DTNB: variants seen among roughly 807,000 people sequenced by gnomAD.
DTNB encodes the protein dystrobrevin beta.
DTNB carries 63 observed loss-of-function variants against 90.7 expected under a neutral mutation model. The ratio of observed to expected loss-of-function variants is 0.69; its 90% CI spans 0.57 to 0.86. The LOEUF (loss-of-function observed/expected upper bound fraction) is 0.86, where lower values mean the gene tolerates loss of function less well. DTNB is among the 40% of genes least tolerant of loss of function. The probability of loss-of-function intolerance (pLI) is 0.00; values close to 1 mark genes in which losing one functional copy is unlikely to be tolerated. For missense variants in DTNB, 744 were observed against 807.1 expected (o/e 0.92, Z 0.95); for synonymous variants, 277 against 286.7 (o/e 0.97, Z 0.34).
chr2:25,652,532 T>TTA, intron 2 of DTNB, 62 bp downstream of exon 2: 3 of 1,271,836 alleles, frequency 2.4e-6, no homozygotes, highest in Non-Finnish European at 3.1e-6. Flanking sequence ...TGACTTGATC[T>TTA]AAAAAAAAAA....
Position 25,628,208 on chromosome 2 carries a change from T to C in DTNB, c.325A>G (p.Ser109Gly). The change falls in exon 4 of 21, where the codon AGC (serine) becomes GGC (glycine). Residue 109 changes from serine to glycine, a missense_variant. Ser to Gly is a moderately conservative substitution (Grantham distance 56, BLOSUM62 0). Transcript: ENST00000406818. ...THQISVEQSI[S>G]LLLNFMIAAY... ...GCAATCATAAAGTTGAGGAGGAGGCTGATAGATTGTTCCACACTAATTTGG... is the reference window on the plus strand; with the variant it reads ...GCAATCATAAAGTTGAGGAGGAGGCCGATAGATTGTTCCACACTAATTTGG... 1 of 1,613,864 alleles carries C rather than the reference T, an allele frequency of 6.2e-7. No individual in the cohort carries two copies. The highest frequency in any genetic ancestry group is 8.5e-7 in the Non-Finnish European group (1 of 1,179,898).
intron 9 of DTNB, among the ~76,000 whole-genome samples, chr2:25,505,360 T>C (rs895549416): frequency 2.0e-5 from 3 of 152,180 alleles, no homozygotes; most frequent in Non-Finnish European, 1.5e-5. Context: ...AGAATGCCAC[T>C]GTAGACAGAG....
At chr2:25,566,440 T>G (rs1171743233) in intron 8 of DTNB, among the ~76,000 whole-genome samples, 1 of 152,220 alleles carries the variant, frequency 6.6e-6, no homozygotes, top group Non-Finnish European at 1.5e-5. Context: ...GACAATAAGT[T>G]TCCACTATTT....
At chr2:25,389,086 A>G (rs904315780) in intron 16 of DTNB, among the ~76,000 whole-genome samples, 1 of 152,170 alleles carries the variant, frequency 6.6e-6, no homozygotes, top group Non-Finnish European at 1.5e-5. Context: ...GAGCTCATGC[A>G]ATCTGCTCGC....
intron 16 of DTNB, among the ~76,000 whole-genome samples, chr2:25,395,875 T>C (rs1040971380): frequency 2.6e-5 from 4 of 152,198 alleles, no homozygotes; most frequent in Admixed American, 2.6e-4. Flanking sequence ...TTACATAATA[T>C]GGAATATTAT....
Position 25,544,066 on chromosome 2 carries a change from G to A in DTNB, c.877-12469C>T, listed in dbSNP as rs760596920. Reference sequence around the variant, plus strand: ...GCTGGCAACTAGGAGGGACAGCCACGGCAGTGAGGCATTCTATTTCTTAGA... The same window carrying A: ...GCTGGCAACTAGGAGGGACAGCCACAGCAGTGAGGCATTCTATTTCTTAGA... On this transcript the variant is annotated intron_variant, in intron 8 of 20. Transcript: ENST00000406818. 1.3e-3 allele frequency among the ~76,000 whole-genome samples: 195 copies of A among 152,148 alleles called. 3 individuals carry two copies. Among genetic ancestry groups the A allele is most frequent in the Non-Finnish European group, 2.4e-3 (160 of 68,030 alleles).
intron 16 of DTNB, among the ~76,000 whole-genome samples, chr2:25,411,695 G>A (rs1477721383): frequency 6.6e-6 from 1 of 152,176 alleles, no homozygotes; most frequent in Non-Finnish European, 1.5e-5. Context: ...GGATACCACT[G>A]GCCCGGCTTG....
intron 9 of DTNB, among the ~76,000 whole-genome samples, chr2:25,492,673 G>C (rs2067811250): frequency 1.3e-5 from 2 of 152,110 alleles, no homozygotes; most frequent in African/African-American, 4.8e-5. Flanking sequence ...AGACCAGCCT[G>C]ACTCCATCAC....
At chr2:25,551,295 A>T (rs912812175) in intron 8 of DTNB, among the ~76,000 whole-genome samples, 6 of 152,210 alleles carry the variant, frequency 3.9e-5, no homozygotes. Context: ...ATATTTACCT[A>T]TATTTAAAGT....
At chr2:25,570,592 G>A (rs540407373) in intron 8 of DTNB, among the ~76,000 whole-genome samples, 1 of 152,078 alleles carries the variant, frequency 6.6e-6, no homozygotes, top group East Asian at 1.9e-4. Context: ...TTAGACAAAG[G>A]GTCAGTTCTT....
At chr2:25,515,623 TC>T (rs762256298) in intron 9 of DTNB, among the ~76,000 whole-genome samples, 1 of 152,164 alleles carries the variant, frequency 6.6e-6, no homozygotes, top group Non-Finnish European at 1.5e-5. Flanking sequence ...GTCTTGTTCT[TC>T]TTGCTCAGGC....
At chr2:25,453,495 G>A (rs982278296) in intron 11 of DTNB, among the ~76,000 whole-genome samples, 6 of 152,040 alleles carry the variant, frequency 3.9e-5, no homozygotes, top group African/African-American at 1.2e-4. Flanking sequence ...GTTCTCCCAG[G>A]GCTACCAGCC....
chr2:25,507,971 A>C (rs685899), intron 9 of DTNB, among the ~76,000 whole-genome samples: 42,728 of 152,056 alleles, frequency 0.28, 6,582 homozygotes, highest in East Asian at 0.51. Context: ...CCAAAAGGGT[A>C]ACTCCATCAC....
At chr2:25,529,841 A>G (rs1214446494) in intron 9 of DTNB, among the ~76,000 whole-genome samples, 1 of 152,194 alleles carries the variant, frequency 6.6e-6, no homozygotes, top group Non-Finnish European at 1.5e-5. Flanking sequence ...GATCAATCTC[A>G]GAAGACTTAG....
intron 13 of DTNB, 76 bp downstream of exon 13, chr2:25,433,834 T>C: frequency 6.4e-7 from 1 of 1,554,408 alleles, no homozygotes; most frequent in Non-Finnish European, 8.8e-7. Flanking sequence ...CCACCTAGTA[T>C]CCAAGGAAAA....
chr2:25,534,192 G>A (rs1299714785), intron 8 of DTNB, among the ~76,000 whole-genome samples: 2 of 152,064 alleles, frequency 1.3e-5, no homozygotes, highest in Non-Finnish European at 1.5e-5. Flanking sequence ...TGAGATTAGG[G>A]AGTGGTGATG....
At chr2:25,377,884 G>C (rs796467990) in intron 20 of DTNB, among the ~76,000 whole-genome samples, 8 of 152,314 alleles carry the variant, frequency 5.3e-5, no homozygotes, top group African/African-American at 1.7e-4. Context: ...CTCAGCCCCC[G>C]GCCAGCAGAG....
chr2:25,541,081 T>C (rs2081150544), intron 8 of DTNB, among the ~76,000 whole-genome samples: 1 of 146,208 alleles, frequency 6.8e-6, no homozygotes, highest in African/African-American at 2.5e-5. Context: ...CTAGATGATA[T>C]AGAATATTCA....
chr2:25,622,278 G>A (rs1290392107), intron 4 of DTNB, among the ~76,000 whole-genome samples: 1 of 152,204 alleles, frequency 6.6e-6, no homozygotes, highest in Non-Finnish European at 1.5e-5. Context: ...GAGGCCAGGA[G>A]TTTGAGACCA....
Sources: allele counts gnomAD v4.1 joint callset (sites outside exome capture counted in the v4.1 genomes callset), GRCh38; gene constraint gnomAD v4.1.1; transcripts MANE v1.5; gene names NCBI Gene and HGNC (gene_info 2026-07-23, HGNC 2026-07-21).